SPDYE1: variants seen among roughly 807,000 people sequenced by gnomAD.
SPDYE1 encodes the protein speedy/RINGO cell cycle regulator family member E1.
A neutral mutation model predicts 45.9 loss-of-function variants in SPDYE1; 29 were observed. That is an observed-to-expected ratio of 0.63 (90% CI 0.47 to 0.86). The LOEUF (loss-of-function observed/expected upper bound fraction) is 0.86, where lower values mean the gene tolerates loss of function less well. Among genes scored for constraint, SPDYE1 ranks in the 40% least tolerant of loss-of-function variants. SPDYE1 has a pLI of 0.00. For synonymous variants in SPDYE1, 134 were observed against 176.8 expected, an observed-to-expected ratio of 0.76 and a Z score of 1.92; for missense variants, 346 against 481.4, an observed-to-expected ratio of 0.72 and a Z score of 2.63.
chr7:44,001,051 G>A lies in SPDYE1; in HGVS notation c.161-15G>A. The A allele has an allele frequency of 6.3e-7, 1 of 1,597,446 alleles. No homozygotes were observed. The highest frequency in any genetic ancestry group is 8.5e-7 in the Non-Finnish European group (1 of 1,179,842). On this transcript the variant is annotated splice_polypyrimidine_tract_variant and intron_variant, in intron 2 of 8. Coordinates refer to ENST00000693451, the MANE Select transcript of SPDYE1 (RefSeq NM_001378423.2). ...ATGCAGAAGCATTACACAGTGGCCT[G>A]GTTTCTTTACTCAGCCCCTGGGGTA...
chr7:44,007,386 T>C lies in SPDYE1; in HGVS notation c.871T>C (p.Tyr291His), dbSNP rs149030446. The C allele has an allele frequency of 6.0e-4, 964 of 1,612,736 alleles. No individual in the cohort carries two copies. Among genetic ancestry groups the C allele is most frequent in the Admixed American group, 7.8e-4 (47 of 59,962 alleles). The change falls in exon 7 of 9, where the codon TAC (tyrosine) becomes CAC (histidine). Residue 291 changes from tyrosine (Y) to histidine (H), a missense_variant. Physicochemically the swap from Tyr to His is moderately conservative, Grantham distance 83 (BLOSUM62 2). Around this residue, in one of 4 missense-constraint regions of SPDYE1, gnomAD observed 186 missense variants for 219.1 expected, o/e 0.85. Transcript: ENST00000693451. ...PLLRKRRFQL[Y>H]RSMNPRARKN... The stretch of plus-strand genomic sequence containing the variant: ...GCTCCGTAAGCGTCGGTTCCAGTTA[T>C]ACCGTTCCATGAACCCGAGGGCCAG...
intron 4 of SPDYE1, among the ~76,000 whole-genome samples, chr7:44,003,379 C>A (rs1427424441): frequency 0.027 from 3,496 of 130,844 alleles, no homozygotes; most frequent in South Asian, 0.076. Context: ...AAATAAAAAT[C>A]AAATAAAGAA....
intron 3 of SPDYE1, among the ~76,000 whole-genome samples, chr7:44,001,934 T>G (rs1585931611): frequency 6.9e-6 from 1 of 144,466 alleles, no homozygotes; most frequent in Non-Finnish European, 1.5e-5. Flanking sequence ...AGTGAGACGC[T>G]GTCTCAAAAA....
chr7:44,002,527 G>A, intron 3 of SPDYE1, 63 bp from the exon 4 acceptor site: 1 of 1,518,012 alleles, frequency 6.6e-7, no homozygotes, highest in Non-Finnish European at 8.8e-7. Flanking sequence ...TTGGGGTTTT[G>A]GGTCGGGCTC....
At chr7:44,002,552 G>A (rs1480042244) in intron 3 of SPDYE1, 38 bp from the exon 4 acceptor site, 3 of 1,555,676 alleles carry the variant, frequency 1.9e-6, no homozygotes, top group African/African-American at 1.4e-5. Context: ...GTGATCAACT[G>A]CAGAAGCATT....
At chr7:44,006,116 C>A (rs1000466654) in intron 6 of SPDYE1, among the ~76,000 whole-genome samples, 30 of 152,228 alleles carry the variant, frequency 2.0e-4, no homozygotes, top group African/African-American at 6.8e-4. Context: ...ACCCTCTCTA[C>A]AATCTCTACA....
chr7:44,008,456 G>A (rs1251862164), intron 8 of SPDYE1, among the ~76,000 whole-genome samples: 2 of 152,222 alleles, frequency 1.3e-5, no homozygotes, highest in Non-Finnish European at 2.9e-5. Context: ...CTGACCTTGG[G>A]TGTATTAAGT....
At chr7:44,000,426 AAAAAAAG>A (rs1292601776) in intron 2 of SPDYE1, among the ~76,000 whole-genome samples, 1 of 150,732 alleles carries the variant, frequency 6.6e-6, no homozygotes, top group Non-Finnish European at 1.5e-5. Context: ...TCCAAAAAAA[AAAAAAAG>A]AAAAGAAAAG....
intron 5 of SPDYE1, chr7:44,004,197 G>A: frequency 1.9e-6 from 1 of 528,310 alleles, no homozygotes; most frequent in Non-Finnish European, 3.4e-6. Context: ...ACCACGCCTG[G>A]CTAATTTTTG....
At chr7:44,001,364 T>C (rs2096062783) in intron 3 of SPDYE1, 80 bp downstream of exon 3, 1 of 1,564,480 alleles carries the variant, frequency 6.4e-7, no homozygotes, top group Non-Finnish European at 8.6e-7. Context: ...ACTTTTCCAA[T>C]GGGAAAGATA....
chr7:44,004,167 T>G (rs1368305561), intron 5 of SPDYE1: 1 of 596,442 alleles, frequency 1.7e-6, no homozygotes, highest in Non-Finnish European at 2.9e-6. Context: ...TCCAAGCAGC[T>G]GGGATTACAG....
At chr7:44,006,842 G>A (rs1562632346) in intron 6 of SPDYE1, among the ~76,000 whole-genome samples, 1 of 152,186 alleles carries the variant, frequency 6.6e-6, no homozygotes, top group Non-Finnish European at 1.5e-5. Flanking sequence ...TCCAACTCCT[G>A]GTCTCAAGCG....
intron 5 of SPDYE1, chr7:44,004,461 C>T (rs2096068473): frequency 5.4e-6 from 1 of 184,276 alleles, no homozygotes; most frequent in South Asian, 1.1e-4. Flanking sequence ...TTCCTGGGCT[C>T]AAGCAATCTT....
intron 6 of SPDYE1, 53 bp from the exon 7 acceptor site, chr7:44,007,215 C>T (rs997831962): frequency 1.1e-5 from 17 of 1,612,044 alleles, no homozygotes; most frequent in Non-Finnish European, 1.4e-5. Context: ...TGACCTCAGC[C>T]GGAGGTCTCT....
chr7:44,004,922 C>T (rs2096069098), intron 5 of SPDYE1: 3 of 632,902 alleles, frequency 4.7e-6, no homozygotes, highest in African/African-American at 1.8e-5. Context: ...AGCCCACCAT[C>T]CTGGGAGCAT....
rs1188759937 is a variant in SPDYE1 at position 44,009,429 on chromosome 7, G to C, written c.*808G>C. ...GCTATTGGTAGTTCCCCTAAATTCT[G>C]ACGATAGAAATTTTTATTTGCTGTT... On this transcript the variant is annotated 3_prime_UTR_variant, in exon 9 of 9. Coordinates refer to ENST00000693451, the MANE Select transcript of SPDYE1 (RefSeq NM_001378423.2). The C allele has an allele frequency of 6.6e-6, 1 of 151,440 alleles. No homozygotes were observed. The highest frequency in any genetic ancestry group is 1.5e-5 in the Non-Finnish European group (1 of 67,922). The allele number at this position is 151,440 out of a possible 1,614,324, so 9.4% of individuals were successfully genotyped here. A position where few individuals can be genotyped will look rare whatever the true frequency, so the allele number is the denominator to read the frequency against.
At chr7:44,006,630 A>G (rs539777805) in intron 6 of SPDYE1, among the ~76,000 whole-genome samples, 2 of 151,980 alleles carry the variant, frequency 1.3e-5, no homozygotes, top group East Asian at 3.9e-4. Context: ...TTGTTTGTTT[A>G]TTGAGACAGA....
rs1197122454 is a variant in SPDYE1 at position 43,998,545 on chromosome 7, C to T, written c.-423+586C>T. On this transcript the variant is annotated intron_variant, in intron 1 of 8. Coordinates refer to ENST00000693451, the MANE Select transcript of SPDYE1 (RefSeq NM_001378423.2). ...GTCCAGGCTGGTCTCAAACTCCTGA[C>T]CTCAAGTGATCCACCCACTTTGGCC... Among the ~76,000 whole-genome samples, 5 of 136,426 alleles carry T rather than the reference C, an allele frequency of 3.7e-5. No homozygotes were observed. The East Asian group carries it at 1.1e-3, about 29-fold the overall frequency. The allele number at this position is 136,426 out of a possible 152,430, so 89.5% of individuals were successfully genotyped here. A position where few individuals can be genotyped will look rare whatever the true frequency, so the allele number is the denominator to read the frequency against.
rs1474707689 is a variant in SPDYE1 at position 44,001,375 on chromosome 7, C to T, written c.379+91C>T. ...CCACACTTTTCCAATGGGAAAGATA[C>T]GCCCCCAGTGGGTGAGATCTCCACG... On this transcript the variant is annotated intron_variant, in intron 3 of 8. Coordinates refer to ENST00000693451, the MANE Select transcript of SPDYE1 (RefSeq NM_001378423.2). 35 of 1,552,562 alleles carry T rather than the reference C, an allele frequency of 2.3e-5. No homozygotes were observed. The African/African-American group carries it at 2.9e-4, about 13-fold the overall frequency.
Sources: gnomAD v4.1 joint callset for allele counts (sites outside exome capture counted in the v4.1 genomes callset) on GRCh38, gnomAD v4.1.1 for gene constraint, gnomAD v4.1.1 regional missense constraint, MANE v1.5 for transcripts, NCBI Gene and HGNC (gene_info 2026-07-23, HGNC 2026-07-21) for gene names.